TENM1: variants seen among roughly 807,000 people sequenced by gnomAD.
The protein encoded by TENM1 is teneurin-1.
Under a neutral mutation model 174.8 loss-of-function variants are expected in TENM1, and 35 were observed. The ratio of observed to expected loss-of-function variants is 0.20; its 90% confidence interval spans 0.15 to 0.27. The LOEUF (loss-of-function observed/expected upper bound fraction) is 0.27, where lower values mean the gene tolerates loss of function less well. TENM1 is among the 10% of genes least tolerant of loss of function. The pLI is 1.00. For missense variants in TENM1, 1,633 were observed against 2,130.1 expected (o/e 0.77, Z 4.59); for synonymous variants, 781 against 798.7 (o/e 0.98, Z 0.37).
intron 11 of TENM1, among the ~76,000 whole-genome samples, chrX:124,623,246 T>A (rs1395720641): frequency 1.8e-5 from 2 of 110,232 alleles, no homozygotes; most frequent in Non-Finnish European, 3.8e-5. Context: ...TGTATATGTG[T>A]GATTGTGTGA....
intron 11 of TENM1, among the ~76,000 whole-genome samples, chrX:124,576,026 T>C (rs1399663880): frequency 2.7e-5 from 3 of 111,883 alleles, no homozygotes; most frequent in Middle Eastern, 4.2e-3. Flanking sequence ...AGGTACCAGA[T>C]TGTCAGGGTA....
chrX:125,200,652 TGTGAGAGA>T, the TENM1 span, among the ~76,000 whole-genome samples: 13 of 81,341 alleles, frequency 1.6e-4, no homozygotes, highest in Non-Finnish European at 2.8e-4. Context: ...TGTGTGTGTG[TGTGAGAGA>T]GAGAGAGAGA....
At chrX:124,707,531 G>A (rs902165548) in intron 4 of TENM1, among the ~76,000 whole-genome samples, 1 of 110,753 alleles carries the variant, frequency 9.0e-6, no homozygotes, top group Non-Finnish European at 1.9e-5. Context: ...CCAACGTGGT[G>A]CGGGATTTGA....
At chrX:124,860,314 A>G (rs1008013858) in intron 3 of TENM1, among the ~76,000 whole-genome samples, 1 of 111,945 alleles carries the variant, frequency 8.9e-6, no homozygotes, top group Admixed American at 9.5e-5. Flanking sequence ...CAAATGTACA[A>G]TGGAAGAGAG....
chrX:125,136,426 C>T, the TENM1 span, among the ~76,000 whole-genome samples: 1 of 111,782 alleles, frequency 8.9e-6, no homozygotes, highest in African/African-American at 3.3e-5. Context: ...CTTAAAACAT[C>T]TTTATTAAGT....
At chrX:124,988,058 A>C in the TENM1 span, among the ~76,000 whole-genome samples, 2 of 111,881 alleles carry the variant, frequency 1.8e-5, no homozygotes, top group Middle Eastern at 4.7e-3. Flanking sequence ...TTATACACAA[A>C]AAAGGTATTA....
chrX:124,877,746 CCA>C (rs1244197613), intron 3 of TENM1, among the ~76,000 whole-genome samples: 72 of 111,282 alleles, frequency 6.5e-4, no homozygotes, highest in Middle Eastern at 4.6e-3. Context: ...ATGCCGACTA[CCA>C]CACAGTCAGA....
chrX:125,037,665 T>C, the TENM1 span, among the ~76,000 whole-genome samples: 1 of 111,854 alleles, frequency 8.9e-6, no homozygotes, highest in Non-Finnish European at 1.9e-5. Flanking sequence ...GTTTCATCTA[T>C]TTGTGTCCCA....
the TENM1 span, among the ~76,000 whole-genome samples, chrX:125,060,039 T>G: frequency 1.8e-5 from 2 of 109,571 alleles, no homozygotes; most frequent in African/African-American, 6.6e-5. Flanking sequence ...TTCAGACGCA[T>G]GCTGCAACAT....
At chrX:125,135,167 T>A in the TENM1 span, among the ~76,000 whole-genome samples, 1 of 70,459 alleles carries the variant, frequency 1.4e-5, no homozygotes, top group Non-Finnish European at 2.6e-5. Context: ...TGCAAAATGT[T>A]TTTTTATCAC....
chrX:125,024,774 G>T, the TENM1 span, among the ~76,000 whole-genome samples: 2 of 111,881 alleles, frequency 1.8e-5, no homozygotes, highest in Non-Finnish European at 3.8e-5. Flanking sequence ...AATAAGATAT[G>T]CTTAGAATAA....
At chrX:124,420,630 T>C (rs1460001477) in exon 25 of TENM1, 1 of 1,209,843 alleles carries the variant, frequency 8.3e-7, no homozygotes, top group Admixed American at 2.2e-5. Flanking sequence ...CCATTTACAG[T>C]GAACTGGTAC....
At chrX:124,658,100 C>T (rs987029270) in intron 6 of TENM1, among the ~76,000 whole-genome samples, 1 of 111,580 alleles carries the variant, frequency 9.0e-6, no homozygotes, top group Admixed American at 9.5e-5. Context: ...AACCTCTTCC[C>T]TGTGATTAAA....
the TENM1 span, among the ~76,000 whole-genome samples, chrX:125,132,742 A>G: frequency 8.9e-6 from 1 of 111,769 alleles, no homozygotes; most frequent in African/African-American, 3.3e-5. Flanking sequence ...TAGCTATCCC[A>G]AAGTCATACT....
the TENM1 span, among the ~76,000 whole-genome samples, chrX:125,198,683 G>T: frequency 9.0e-6 from 1 of 111,209 alleles, no homozygotes; most frequent in East Asian, 2.8e-4. Flanking sequence ...GGACCAACAG[G>T]CTGGCATGAA....
chrX:125,089,021 A>C, the TENM1 span, among the ~76,000 whole-genome samples: 4 of 111,003 alleles, frequency 3.6e-5, no homozygotes, highest in Non-Finnish European at 7.6e-5. Flanking sequence ...ACTTTAGTTC[A>C]TTTTCCTAAA....
At chrX:124,912,167 C>T (rs1016195222) in intron 1 of TENM1, among the ~76,000 whole-genome samples, 2 of 111,452 alleles carry the variant, frequency 1.8e-5, no homozygotes, top group Non-Finnish European at 3.8e-5. Flanking sequence ...TCGGTATTAA[C>T]TCAGGTTCCT....
the TENM1 span, among the ~76,000 whole-genome samples, chrX:124,995,363 C>T: frequency 9.0e-6 from 1 of 111,126 alleles, no homozygotes; most frequent in Non-Finnish European, 1.9e-5. Flanking sequence ...ATTCTACTGC[C>T]TCAATACCCA....
intron 30 of TENM1, among the ~76,000 whole-genome samples, chrX:124,383,059 G>A (rs750210158): frequency 5.9e-4 from 65 of 110,114 alleles, no homozygotes; most frequent in African/African-American, 1.6e-3. Context: ...GGGTTCAAGC[G>A]ATTCTCCTGC....
Sources: gnomAD v4.1 joint callset for allele counts (sites outside exome capture counted in the v4.1 genomes callset) on GRCh38, gnomAD v4.1.1 for gene constraint, MANE v1.5 for transcripts, NCBI Gene and HGNC (gene_info 2026-07-23, HGNC 2026-07-21) for gene names.